The following ZMIZ1 variants were observed in gnomAD, a reference collection of about 807,000 sequenced individuals.
ZMIZ1 encodes the protein zinc finger MIZ domain-containing protein 1.
Under a neutral mutation model 113.9 loss-of-function variants are expected in ZMIZ1, and 17 were observed. The ratio of observed to expected loss-of-function variants is 0.15; its 90% CI spans 0.10 to 0.22. ZMIZ1 has a LOEUF of 0.22. ZMIZ1 is among the 10% of genes least tolerant of loss of function. The probability of loss-of-function intolerance (pLI) is 1.00; values close to 1 mark genes in which losing one functional copy is unlikely to be tolerated. For synonymous variants in ZMIZ1, 607 were observed against 603.1 expected (o/e 1.01, Z -0.09); for missense variants, 1,059 against 1,477.8 (o/e 0.72, Z 4.65).
At chr10:79,191,018 A>G (rs1351068599) in intron 4 of ZMIZ1, among the ~76,000 whole-genome samples, 3 of 152,154 alleles carry the variant, frequency 2.0e-5, no homozygotes, top group Non-Finnish European at 1.5e-5. Context: ...ATGGCTGTGC[A>G]GAAGTGTATG....
intron 1 of ZMIZ1, among the ~76,000 whole-genome samples, chr10:79,083,567 C>G (rs1432060511): frequency 1.4e-5 from 1 of 72,654 alleles, no homozygotes; most frequent in Non-Finnish European, 2.4e-5. Flanking sequence ...CTGAGGCTAT[C>G]AGATGTGTCC....
intron 17 of ZMIZ1, among the ~76,000 whole-genome samples, chr10:79,301,727 A>T (rs1340532440): frequency 6.6e-6 from 1 of 151,938 alleles, no homozygotes; most frequent in African/African-American, 2.4e-5. Flanking sequence ...TGATGGGTGG[A>T]CGTTTGGGAT....
chr10:79,154,596 GA>G (rs1845830542), intron 3 of ZMIZ1, among the ~76,000 whole-genome samples: 1 of 152,246 alleles, frequency 6.6e-6, no homozygotes, highest in Non-Finnish European at 1.5e-5. Context: ...TCGGTCCCTG[GA>G]AAAGGGATGG....
At chr10:79,234,581 A>G (rs1308395335) in intron 7 of ZMIZ1, among the ~76,000 whole-genome samples, 1 of 152,252 alleles carries the variant, frequency 6.6e-6, no homozygotes, top group Non-Finnish European at 1.5e-5. Flanking sequence ...AACTTGGTGA[A>G]TATCCATTAG....
chr10:79,145,344 T>TGCCCGAGCGACAGA (rs11268036), intron 3 of ZMIZ1, among the ~76,000 whole-genome samples: 1 of 151,760 alleles, frequency 6.6e-6, no homozygotes, highest in African/African-American at 2.4e-5. Flanking sequence ...CATTCCGGAG[T>TGCCCGAGCGACAGA]GCCTGCGAGG....
chr10:79,078,912 G>A (rs1589247394), intron 1 of ZMIZ1, among the ~76,000 whole-genome samples: 1 of 151,928 alleles, frequency 6.6e-6, no homozygotes, highest in South Asian at 2.1e-4. Flanking sequence ...GGAAACGCCC[G>A]CGTAAACAGT....
chr10:79,192,478 G>A (rs1237727436), intron 4 of ZMIZ1, among the ~76,000 whole-genome samples: 4 of 152,220 alleles, frequency 2.6e-5, no homozygotes, highest in Non-Finnish European at 5.9e-5. Flanking sequence ...GGATCATGAA[G>A]AGAAGTGGGT....
chr10:79,185,532 G>A (rs1210994397), intron 4 of ZMIZ1, among the ~76,000 whole-genome samples: 1 of 151,500 alleles, frequency 6.6e-6, no homozygotes, highest in Non-Finnish European at 1.5e-5. Flanking sequence ...TTGTTCAGCT[G>A]TCAGCAGAAA....
rs775976474 is a variant in ZMIZ1, at chr10:79,296,459, C to G, written c.1231-12C>G. The stretch of plus-strand genomic sequence containing the variant: ...TGAACGTGTTTCCCCTCTCCTTTCT[C>G]TCCCACCACAGCCCAACTATGGAAA... On this transcript the variant is annotated splice_polypyrimidine_tract_variant and intron_variant, in intron 12 of 24. Transcript: ENST00000334512. The surrounding 1 kb of genome is among the most constrained non-coding windows in gnomAD (Gnocchi z 4.1). 5.6e-6 allele frequency: 9 copies of G among 1,613,782 alleles called. No individual in the cohort carries two copies. Among genetic ancestry groups the G allele is most frequent in the Non-Finnish European group, 6.8e-6 (8 of 1,179,812 alleles).
At chr10:79,236,577 C>G (rs187312685) in intron 7 of ZMIZ1, among the ~76,000 whole-genome samples, 1 of 152,172 alleles carries the variant, frequency 6.6e-6, no homozygotes, top group African/African-American at 2.4e-5. Context: ...CTGGGTGGCG[C>G]GCTCCCCACC....
chr10:79,304,498 TC>T (rs1854549934), intron 19 of ZMIZ1, among the ~76,000 whole-genome samples: 1 of 152,226 alleles, frequency 6.6e-6, no homozygotes, highest in Admixed American at 6.5e-5. Context: ...AGTTCATGCC[TC>T]TGTCCAGGGC....
chr10:79,289,932 G>A, intron 9 of ZMIZ1, 43 bp downstream of exon 9: 1 of 1,583,500 alleles, frequency 6.3e-7, no homozygotes. Flanking sequence ...TTTCTAGGCG[G>A]GAGTGTCCCT....
intron 1 of ZMIZ1, among the ~76,000 whole-genome samples, chr10:79,098,180 TAGG>T (rs1246460649): frequency 6.6e-6 from 1 of 152,130 alleles, no homozygotes; most frequent in Non-Finnish European, 1.5e-5. Context: ...CCAGGTAGAC[TAGG>T]AGAAGAGACT....
intron 3 of ZMIZ1, among the ~76,000 whole-genome samples, chr10:79,141,145 A>AG (rs1845245894): frequency 6.6e-6 from 1 of 152,084 alleles, no homozygotes. Flanking sequence ...GACGAGGGAG[A>AG]GGGGACGTGG....
rs1018795347 is a variant in ZMIZ1, at chr10:79,118,008, G to T, written c.-336-907G>T. Among the ~76,000 whole-genome samples, 2 of 152,130 alleles carry T rather than the reference G, an allele frequency of 1.3e-5. No individual in the cohort carries two copies. The highest frequency in any genetic ancestry group is 4.8e-5 in the African/African-American group (2 of 41,374). On this transcript the variant is annotated intron_variant, in intron 1 of 24. Transcript: ENST00000334512. The surrounding 1 kb of genome is among the most constrained non-coding windows in gnomAD (Gnocchi z 4.1). ...CCCTCAACAGTCAGGGAGGCCAGGG[G>T]TCTGCAGATGCAGGAACTGGGGGGA...
intron 4 of ZMIZ1, among the ~76,000 whole-genome samples, chr10:79,165,698 G>T (rs959500184): frequency 1.3e-5 from 2 of 152,174 alleles, no homozygotes; most frequent in Non-Finnish European, 2.9e-5. Flanking sequence ...CGGAGAGTTC[G>T]GACCTGCCCT....
chr10:79,122,647 T>C (rs1042864898), intron 2 of ZMIZ1, among the ~76,000 whole-genome samples: 2 of 152,192 alleles, frequency 1.3e-5, no homozygotes, highest in Non-Finnish European at 2.9e-5. Context: ...AATGACCTCT[T>C]GCACTATAGA....
intron 7 of ZMIZ1, among the ~76,000 whole-genome samples, chr10:79,243,177 C>T (rs556158560): frequency 1.3e-5 from 2 of 151,440 alleles, no homozygotes; most frequent in Admixed American, 1.3e-4. Flanking sequence ...CACGCGGGCA[C>T]ACGCAGGGTG....
intron 7 of ZMIZ1, among the ~76,000 whole-genome samples, chr10:79,271,415 G>A (rs910492491): frequency 1.3e-5 from 2 of 152,206 alleles, no homozygotes; most frequent in South Asian, 2.1e-4. Flanking sequence ...GGAAACTGGG[G>A]TGCAGGAAGG....
Sources: allele counts gnomAD v4.1 joint callset (sites outside exome capture counted in the v4.1 genomes callset), GRCh38; gene constraint gnomAD v4.1.1; non-coding constraint Gnocchi (gnomAD v3.1); transcripts MANE v1.5; gene names NCBI Gene and HGNC (gene_info 2026-07-23, HGNC 2026-07-21).